STON1: variants seen among roughly 807,000 people sequenced by gnomAD.
STON1 encodes stonin 1.
Under a neutral mutation model 60.9 loss-of-function variants are expected in STON1, and 79 were observed. The ratio of observed to expected loss-of-function variants is 1.30; its 90% CI spans 1.08 to 1.56. STON1 has a LOEUF of 1.56. STON1 is among the 40% of genes most tolerant of loss of function. The pLI, the probability that STON1 is intolerant of heterozygous loss-of-function variation, is 0.00. For missense variants in STON1, 1,166 were observed against 858.9 expected (o/e 1.36, Z -4.47); for synonymous variants, 363 against 306.9 (o/e 1.18, Z -1.91).
At chr2:48,592,140 T>C (rs1274738906) in intron 3 of STON1, among the ~76,000 whole-genome samples, 1 of 152,180 alleles carries the variant, frequency 6.6e-6, no homozygotes, top group African/African-American at 2.4e-5. Flanking sequence ...ATTATGATGT[T>C]AGGACACCAT....
chr2:48,558,537 G>A (rs1201450835), intron 1 of STON1, among the ~76,000 whole-genome samples: 1 of 152,228 alleles, frequency 6.6e-6, no homozygotes, highest in Non-Finnish European at 1.5e-5. Context: ...TAGGCAGCCA[G>A]AGAAGAGATC....
At chr2:48,584,651 C>G (rs1296482529) in intron 2 of STON1, among the ~76,000 whole-genome samples, 1 of 149,398 alleles carries the variant, frequency 6.7e-6, no homozygotes, top group Non-Finnish European at 1.5e-5. Flanking sequence ...AAATCGGAAT[C>G]TCTGGCGGGG....
chr2:48,553,858 AT>A (rs1672201734), intron 1 of STON1, among the ~76,000 whole-genome samples: 1 of 152,182 alleles, frequency 6.6e-6, no homozygotes, highest in South Asian at 2.1e-4. Flanking sequence ...AAACTGCTTG[AT>A]AGCAGTGACT....
intron 1 of STON1, among the ~76,000 whole-genome samples, chr2:48,565,608 G>A (rs1672910294): frequency 6.6e-6 from 1 of 152,192 alleles, no homozygotes; most frequent in Non-Finnish European, 1.5e-5. Flanking sequence ...AAGTTAGGCA[G>A]AATGGAGACA....
At chr2:48,576,172 G>A (rs1294662862) in intron 1 of STON1, among the ~76,000 whole-genome samples, 1 of 115,030 alleles carries the variant, frequency 8.7e-6, no homozygotes, top group Admixed American at 9.0e-5. Flanking sequence ...GCCAAGATTT[G>A]TTGTTTTCCT....
intron 2 of STON1, among the ~76,000 whole-genome samples, chr2:48,590,426 G>T (rs941726471): frequency 1.3e-5 from 2 of 152,126 alleles, no homozygotes; most frequent in African/African-American, 4.8e-5. Flanking sequence ...TGTGCCTAAA[G>T]CTATATTCTG....
intron 2 of STON1, 100 bp from the exon 3 acceptor site, chr2:48,591,553 A>G: frequency 1.3e-6 from 2 of 1,492,356 alleles, no homozygotes; most frequent in Non-Finnish European, 1.8e-6. Flanking sequence ...AGTGCTAATG[A>G]AATTCCTTAT....
At chr2:48,565,949 G>T (rs761403347) in intron 1 of STON1, among the ~76,000 whole-genome samples, 19 of 152,064 alleles carry the variant, frequency 1.2e-4, no homozygotes, top group Non-Finnish European at 2.1e-4. Flanking sequence ...TCTAAAATCC[G>T]AATACCCACC....
chr2:48,567,083 G>C (rs1232647832), intron 1 of STON1, among the ~76,000 whole-genome samples: 1 of 152,224 alleles, frequency 6.6e-6, no homozygotes, highest in East Asian at 1.9e-4. Context: ...GGGAGGGGCA[G>C]TGTTAGGGAA....
intron 1 of STON1, among the ~76,000 whole-genome samples, chr2:48,542,048 GA>G (rs1572927595): frequency 6.6e-6 from 1 of 152,190 alleles, no homozygotes; most frequent in East Asian, 1.9e-4. Flanking sequence ...AAAACATGTG[GA>G]AAAGTTCCTG....
At chr2:48,531,112 G>C (rs1671192853) in intron 1 of STON1, 1 of 152,160 alleles carries the variant, frequency 6.6e-6, no homozygotes, top group African/African-American at 2.4e-5. Context: ...GTCCACACTC[G>C]ACTGTTTTCC....
At chr2:48,540,602 G>A (rs555941143) in intron 1 of STON1, among the ~76,000 whole-genome samples, 1 of 152,166 alleles carries the variant, frequency 6.6e-6, no homozygotes, top group African/African-American at 2.4e-5. Context: ...TGTATCTTTC[G>A]CAGTATTCTT....
At chr2:48,591,887 G>T (rs374051572) in intron 3 of STON1, 32 bp downstream of exon 3, 1 of 1,606,608 alleles carries the variant, frequency 6.2e-7, no homozygotes, top group Admixed American at 1.7e-5. Flanking sequence ...ACTGTGACCT[G>T]ATTTGGCTTT....
At chr2:48,558,565 C>T (rs577040737) in intron 1 of STON1, among the ~76,000 whole-genome samples, 1 of 152,222 alleles carries the variant, frequency 6.6e-6, no homozygotes, top group Non-Finnish European at 1.5e-5. Flanking sequence ...GCTATGATCA[C>T]AGTGTGTGTA....
At chr2:48,564,953 G>C (rs1672872111) in intron 1 of STON1, among the ~76,000 whole-genome samples, 1 of 145,582 alleles carries the variant, frequency 6.9e-6, no homozygotes, top group African/African-American at 2.5e-5. Flanking sequence ...GGATGGTCTT[G>C]AACTCCTGAT....
intron 1 of STON1, among the ~76,000 whole-genome samples, chr2:48,566,428 A>G (rs1414082440): frequency 1.3e-5 from 2 of 150,646 alleles, no homozygotes; most frequent in African/African-American, 4.9e-5. Flanking sequence ...TGCCCACCTC[A>G]GTCTCCACCA....
intron 1 of STON1, among the ~76,000 whole-genome samples, chr2:48,548,008 C>T (rs142923767): frequency 6.6e-6 from 1 of 152,180 alleles, no homozygotes; most frequent in African/African-American, 2.4e-5. Flanking sequence ...CTTTCAGATC[C>T]CATAGCCCTT....
At chr2:48,587,508 G>A (rs960688262) in intron 2 of STON1, among the ~76,000 whole-genome samples, 1 of 152,114 alleles carries the variant, frequency 6.6e-6, no homozygotes, top group Admixed American at 6.5e-5. Flanking sequence ...GGCCAGGCTG[G>A]TCTCAAACTC....
intron 1 of STON1, among the ~76,000 whole-genome samples, chr2:48,532,693 G>A (rs1024092544): frequency 1.3e-5 from 2 of 152,166 alleles, no homozygotes; most frequent in Admixed American, 6.5e-5. Flanking sequence ...GGGTACAAGA[G>A]TCTGCCCAGC....
Sources: allele counts gnomAD v4.1 joint callset (sites outside exome capture counted in the v4.1 genomes callset), GRCh38; gene constraint gnomAD v4.1.1; transcripts MANE v1.5; gene names NCBI Gene and HGNC (gene_info 2026-07-23, HGNC 2026-07-21).